The following SCN8A variants were observed in gnomAD, a reference collection of about 807,000 sequenced individuals.
SCN8A encodes sodium channel protein type 8 subunit alpha.
SCN8A carries 30 observed loss-of-function variants against 184.1 expected under a neutral mutation model. The ratio of observed to expected loss-of-function variants is 0.16; its 90% CI spans 0.12 to 0.22. The LOEUF (loss-of-function observed/expected upper bound fraction) is 0.22. Ranked by LOEUF, SCN8A falls within the 10% of genes least tolerant of loss-of-function variation. The probability of loss-of-function intolerance (pLI) is 1.00; values close to 1 mark genes in which losing one functional copy is unlikely to be tolerated. For missense variants in SCN8A, 1,057 were observed against 2,498.9 expected (o/e 0.42, Z 12.30); for synonymous variants, 852 against 907.0 (o/e 0.94, Z 1.09).
At chr12:51,688,966 T>A (rs1181783942) in intron 5 of SCN8A, 39 bp from the exon 6 acceptor site, 2 of 1,592,216 alleles carry the variant, frequency 1.3e-6, no homozygotes. Context: ...TGTGTCTGTG[T>A]TTGTCACTTG....
chr12:51,688,693 T>TC (rs1363032657), intron 5 of SCN8A: 3 of 1,120,846 alleles, frequency 2.7e-6, no homozygotes, highest in Non-Finnish European at 4.1e-6. Flanking sequence ...GACCCTTTCT[T>TC]CCCCCCATTC....
chr12:51,621,001 C>A (rs552720876), intron 1 of SCN8A, among the ~76,000 whole-genome samples: 3 of 151,910 alleles, frequency 2.0e-5, no homozygotes, highest in Admixed American at 2.0e-4. Context: ...AAACGTGGGG[C>A]CTCATAGGAT....
At chr12:51,710,534 C>G (rs1054691826) in intron 11 of SCN8A, among the ~76,000 whole-genome samples, 4 of 152,136 alleles carry the variant, frequency 2.6e-5, no homozygotes, top group African/African-American at 9.7e-5. Context: ...TGGCCCATGC[C>G]TGTAGTCCCA....
intron 1 of SCN8A, among the ~76,000 whole-genome samples, chr12:51,609,973 A>T (rs889532560): frequency 1.3e-5 from 2 of 150,368 alleles, no homozygotes; most frequent in African/African-American, 2.5e-5. Context: ...AAAGTATAAT[A>T]AAAAAAATAC....
At chr12:51,628,732 A>T (rs1940133003) in intron 1 of SCN8A, among the ~76,000 whole-genome samples, 2 of 152,286 alleles carry the variant, frequency 1.3e-5, no homozygotes, top group Non-Finnish European at 2.9e-5. Flanking sequence ...CCCTGAAATA[A>T]AGATATCTTT....
chr12:51,748,019 C>T (rs556804636), intron 13 of SCN8A, among the ~76,000 whole-genome samples: 2 of 152,298 alleles, frequency 1.3e-5, no homozygotes, highest in South Asian at 2.1e-4. Flanking sequence ...TCAGGCATTC[C>T]GCCTAACCTC....
chr12:51,733,138 T>C (rs1942270680), intron 12 of SCN8A, among the ~76,000 whole-genome samples: 1 of 152,186 alleles, frequency 6.6e-6, no homozygotes, highest in Non-Finnish European at 1.5e-5. Flanking sequence ...GTTCCAGATC[T>C]TAGAGAAAAG....
intron 11 of SCN8A, among the ~76,000 whole-genome samples, chr12:51,707,101 T>C (rs1159459428): frequency 6.6e-6 from 1 of 152,200 alleles, no homozygotes; most frequent in Non-Finnish European, 1.5e-5. Flanking sequence ...GCATTTTCTT[T>C]ATCCATTTAT....
Position 51,806,257 on chromosome 12 carries a change from T to C in SCN8A, c.4796-25T>C. 6.7e-7 allele frequency: 1 copy of C among 1,502,046 alleles called. No individual in the cohort carries two copies. The highest frequency in any genetic ancestry group is 8.9e-7 in the Non-Finnish European group (1 of 1,126,790). 93.0% of individuals were successfully genotyped at this position (1,502,046 alleles called of 1,614,324 possible). A position where few individuals can be genotyped will look rare whatever the true frequency, so the allele number is the denominator to read the frequency against. ...AAGGGTGTCTCCCATCTCAATAACA[T>C]AACTTCTTCTATTCCTCTTCTTAGG... On this transcript the variant is annotated intron_variant, in intron 26 of 26. Coordinates refer to ENST00000627620, the MANE Select transcript of SCN8A (RefSeq NM_001330260.2). The surrounding 1 kb of genome is among the most constrained non-coding windows in gnomAD (Gnocchi z 8.7).
At chr12:51,712,493 C>G (rs2138762219) in intron 11 of SCN8A, 1 of 770,040 alleles carries the variant, frequency 1.3e-6, no homozygotes, top group Middle Eastern at 2.3e-4. Context: ...TCCACCACTT[C>G]CACCACTAGA....
At position 51,794,550 on chromosome 12, in the gene SCN8A, G is replaced by A. The variant is rs1207860967; in HGVS notation, c.4704G>A (p.Glu1568=). Residue 1568 remains glutamate (E), a synonymous_variant, in exon 26 of 27, where the codon GAG becomes GAA. Transcript: ENST00000627620. ...TGTTTGTTATCTTCTTCACCTGTGA[G>A]TGTGTGCTCAAAATGTTTGCGTTGA... ...NLVFVIFFTC[E]CVLKMFALRH... The A allele has an allele frequency of 1.2e-6, 2 of 1,613,986 alleles. No homozygotes were observed. Among genetic ancestry groups the A allele is most frequent in the South Asian group, 2.2e-5 (2 of 91,082 alleles).
At chr12:51,705,317 AAT>A in intron 9 of SCN8A, 98 bp from the exon 10 acceptor site, 3 of 1,059,912 alleles carry the variant, frequency 2.8e-6, no homozygotes, top group Non-Finnish European at 4.2e-6. Context: ...TCCTGTACAA[AAT>A]GCAAATAGTG....
Position 51,769,328 on chromosome 12 carries a change from G to A in SCN8A, c.3365G>A (p.Ser1122Asn). Residue 1122 changes from serine (S) to asparagine (N), a missense_variant, in exon 17 of 27, where the codon AGC becomes AAC. By Grantham distance (46) the Ser-to-Asn change is conservative. This residue lies in a region of SCN8A where 178 missense variants were observed against 259.6 expected (regional missense o/e 0.69). Coordinates refer to ENST00000627620, the MANE Select transcript of SCN8A (RefSeq NM_001330260.2). ...AGCAGCGAGTCGGATCCTGAAGGCAGCAAAGATGTAAGGTCCCAGCCTAGA... is the reference window on the plus strand; with the variant it reads ...AGCAGCGAGTCGGATCCTGAAGGCAACAAAGATGTAAGGTCCCAGCCTAGA... ...DVSSESDPEG[S>N]KDKLDDTSSS... 1 of 1,583,016 alleles carries A rather than the reference G, an allele frequency of 6.3e-7. No homozygotes were observed. Among genetic ancestry groups the A allele is most frequent in the South Asian group, 1.2e-5 (1 of 85,640 alleles).
chr12:51,595,032 T>G (rs1939314381), intron 1 of SCN8A, among the ~76,000 whole-genome samples: 2 of 152,214 alleles, frequency 1.3e-5, no homozygotes. Flanking sequence ...GTCTGTTTGT[T>G]TATATTTAGC....
intron 12 of SCN8A, among the ~76,000 whole-genome samples, chr12:51,740,197 A>G (rs1195162825): frequency 6.6e-6 from 1 of 152,230 alleles, no homozygotes; most frequent in Non-Finnish European, 1.5e-5. Context: ...AACATGTTAC[A>G]GTGCTGCAGA....
chr12:51,770,243 G>T (rs303807), intron 18 of SCN8A: 8 of 589,194 alleles, frequency 1.4e-5, no homozygotes, highest in African/African-American at 1.3e-4. Context: ...AGAATGTCCT[G>T]TTCTGTCATG....
At position 51,806,758 on chromosome 12, in the gene SCN8A, G is replaced by A. The variant is rs1938712776; in HGVS notation, c.5272G>A (p.Val1758Met). ...CATCATCATCTCTTTCCTAATTGTC[G>A]TGAACATGTACATTGCCATCATCCT... ...SYIIISFLIV[V>M]NMYIAIILEN... Residue 1758 changes from valine (V) to methionine (M), a missense_variant, in exon 27 of 27, where the codon GTG becomes ATG. Physicochemically the swap from Val to Met is conservative, Grantham distance 21. Coordinates refer to ENST00000627620, the MANE Select transcript of SCN8A (RefSeq NM_001330260.2). The surrounding 1 kb of genome is among the most constrained non-coding windows in gnomAD (Gnocchi z 8.7). 1 of 1,614,116 alleles carries A rather than the reference G, an allele frequency of 6.2e-7. No homozygotes were observed.
intron 5 of SCN8A, 53 bp downstream of exon 5, chr12:51,687,272 G>A: frequency 2.5e-6 from 4 of 1,602,200 alleles, no homozygotes; most frequent in Non-Finnish European, 3.4e-6. Flanking sequence ...TGTGTGTGGA[G>A]TTGTACTCCT....
intron 1 of SCN8A, among the ~76,000 whole-genome samples, chr12:51,592,235 C>T (rs1231386393): frequency 6.6e-6 from 1 of 151,826 alleles, no homozygotes; most frequent in Non-Finnish European, 1.5e-5. Flanking sequence ...CTTGGGGCAC[C>T]GCAAAGCCTC....
Sources: gnomAD v4.1 joint callset for allele counts (sites outside exome capture counted in the v4.1 genomes callset) on GRCh38, gnomAD v4.1.1 for gene constraint, gnomAD v4.1.1 regional missense constraint, Gnocchi (gnomAD v3.1) non-coding constraint, MANE v1.5 for transcripts, NCBI Gene and HGNC (gene_info 2026-07-23, HGNC 2026-07-21) for gene names.